The following PAK6 variants were observed in gnomAD, a reference collection of about 807,000 sequenced individuals.
The protein encoded by PAK6 is p21 (RAC1) activated kinase 6, also known as serine/threonine-protein kinase PAK 6.
Under a neutral mutation model 60.8 loss-of-function variants are expected in PAK6, and 33 were observed. That is an observed-to-expected ratio of 0.54 (90% CI 0.41 to 0.73). The LOEUF is 0.73. Among genes scored for constraint, PAK6 ranks in the 30% least tolerant of loss-of-function variants. The probability of loss-of-function intolerance (pLI) is 0.00; values close to 1 mark genes in which losing one functional copy is unlikely to be tolerated. For synonymous variants in PAK6, 404 were observed against 378.5 expected (o/e 1.07, Z -0.78); for missense variants, 845 against 904.1 (o/e 0.93, Z 0.84).
At chr15:40,262,566 A>T (rs2039012042) in intron 3 of PAK6, among the ~76,000 whole-genome samples, 1 of 152,160 alleles carries the variant, frequency 6.6e-6, no homozygotes. Flanking sequence ...AAGGAGGAGG[A>T]CAAATTTTAC....
intron 3 of PAK6, chr15:40,260,047 A>C (rs2140970282): frequency 6.6e-6 from 1 of 152,220 alleles, no homozygotes; most frequent in East Asian, 1.9e-4. Context: ...ACTTTCGCCA[A>C]AGTAAACCTT....
intron 1 of PAK6, 75 bp downstream of exon 1, chr15:40,239,877 CCCCCTGCTGGGG>C (rs1411789864): frequency 6.6e-6 from 1 of 152,596 alleles, no homozygotes; most frequent in Non-Finnish European, 1.5e-5. Flanking sequence ...TGTGTGCCGT[CCCCCTGCTGGGG>C]ACAGCAGCTG....
intron 2 of PAK6, among the ~76,000 whole-genome samples, chr15:40,244,092 G>A (rs1341386170): frequency 2.0e-5 from 3 of 152,180 alleles, no homozygotes; most frequent in African/African-American, 4.8e-5. Flanking sequence ...AGCACTTTGG[G>A]AGGCTGAGGT....
At chr15:40,255,871 G>A (rs2038820219) in intron 3 of PAK6, among the ~76,000 whole-genome samples, 1 of 152,150 alleles carries the variant, frequency 6.6e-6, no homozygotes, top group Admixed American at 6.5e-5. Context: ...CCAAGGGGAA[G>A]GTCAGACCCC....
At chr15:40,273,604 G>A (rs2039371252) in exon 9 of PAK6, 4 of 1,614,098 alleles carry the variant, frequency 2.5e-6, no homozygotes, top group Non-Finnish European at 3.4e-6. Flanking sequence ...ACGTCCCTAA[G>A]AGGAAGTCCC....
Position 40,267,910 on chromosome 15 carries a change from G to A in PAK6, c.858+1415G>A, listed in dbSNP as rs545066732. On this transcript the variant is annotated intron_variant, in intron 5 of 10. Coordinates refer to ENST00000560346, the Ensembl canonical transcript of PAK6. ...GAGCTTGACCTCCCTCTGTCTCTCA[G>A]GAGTCCTGCTGCGAGGCCTCAGGGA... 3.9e-5 allele frequency among the ~76,000 whole-genome samples: 6 copies of A among 152,318 alleles called. No homozygotes were observed. The East Asian group carries it at 1.2e-3, about 29-fold the overall frequency.
intron 2 of PAK6, 45 bp downstream of exon 2, chr15:40,240,726 G>A (rs764632507): frequency 5.1e-5 from 22 of 430,870 alleles, no homozygotes; most frequent in South Asian, 2.6e-4. Context: ...CCTGGGCTAG[G>A]GACGGGGGTG....
intron 5 of PAK6, among the ~76,000 whole-genome samples, chr15:40,267,231 C>T (rs1248605337): frequency 6.6e-6 from 1 of 152,110 alleles, no homozygotes; most frequent in Non-Finnish European, 1.5e-5. Context: ...CCTGGGAGGG[C>T]TTTAAGACAA....
chr15:40,254,835 A>G (rs1299946782), intron 3 of PAK6, among the ~76,000 whole-genome samples: 1 of 152,230 alleles, frequency 6.6e-6, no homozygotes, highest in African/African-American at 2.4e-5. Context: ...ACTAATAAAA[A>G]GCACCTAGCA....
chr15:40,268,239 A>AC (rs1028536954), intron 5 of PAK6, among the ~76,000 whole-genome samples: 4 of 151,686 alleles, frequency 2.6e-5, no homozygotes, highest in African/African-American at 9.7e-5. Context: ...GCAAGCTGAG[A>AC]CCCCCCGAGC....
At chr15:40,270,328 CAG>C (rs1361917302) in intron 5 of PAK6, among the ~76,000 whole-genome samples, 1 of 152,202 alleles carries the variant, frequency 6.6e-6, no homozygotes. Context: ...CCCACTTATG[CAG>C]AGTTTCTCAA....
intron 2 of PAK6, among the ~76,000 whole-genome samples, chr15:40,242,705 C>G (rs147761629): frequency 2.0e-3 from 309 of 152,318 alleles, no homozygotes; most frequent in African/African-American, 7.0e-3. Flanking sequence ...TTGTCCCCTT[C>G]TGAGGAGGTG....
exon 11 of PAK6, chr15:40,276,089 T>G (rs1379584778): frequency 6.2e-7 from 1 of 1,613,300 alleles, no homozygotes; most frequent in African/African-American, 1.3e-5. Context: ...GACCTCCACC[T>G]GCTGAGCCCA....
At chr15:40,240,600 G>C (rs1006545031) in exon 2 of PAK6, 4 of 435,122 alleles carry the variant, frequency 9.2e-6, no homozygotes, top group Admixed American at 2.6e-5. Flanking sequence ...TGCCTGAAGG[G>C]AGTGCCGCTT....
intron 5 of PAK6, among the ~76,000 whole-genome samples, chr15:40,267,784 G>A (rs1328486957): frequency 6.6e-6 from 1 of 152,232 alleles, no homozygotes; most frequent in Non-Finnish European, 1.5e-5. Context: ...ACGAGCATCT[G>A]TGAGCTGCAG....
At chr15:40,254,680 G>C (rs2038787457) in intron 3 of PAK6, among the ~76,000 whole-genome samples, 1 of 152,326 alleles carries the variant, frequency 6.6e-6, no homozygotes, top group Non-Finnish European at 1.5e-5. Flanking sequence ...GGGCATTGTG[G>C]ATGAGCCTGG....
intron 2 of PAK6, chr15:40,247,388 A>G (rs1383583675): frequency 2.0e-5 from 3 of 151,424 alleles, no homozygotes; most frequent in Non-Finnish European, 4.4e-5. Context: ...TGTCCTTACC[A>G]CAGATCTGGC....
intron 3 of PAK6, chr15:40,258,781 TGGA>T (rs1420609343): frequency 6.8e-6 from 1 of 147,032 alleles, no homozygotes; most frequent in Non-Finnish European, 1.5e-5. Context: ...TGGTTTGGGC[TGGA>T]CCCTTCCCTC....
At chr15:40,254,312 A>C (rs1483228734) in intron 3 of PAK6, among the ~76,000 whole-genome samples, 1 of 152,196 alleles carries the variant, frequency 6.6e-6, no homozygotes, top group African/African-American at 2.4e-5. Flanking sequence ...CCCATCCTGG[A>C]GAGCTTTGAG....
Sources: gnomAD v4.1 joint callset for allele counts (sites outside exome capture counted in the v4.1 genomes callset) on GRCh38, gnomAD v4.1.1 for gene constraint, MANE v1.5 for transcripts, NCBI Gene and HGNC (gene_info 2026-07-23, HGNC 2026-07-21) for gene names.